The following TLN2 variants were observed in gnomAD, a reference collection of about 807,000 sequenced individuals.
TLN2 encodes talin 2, also known as talin-2.
TLN2 carries 118 observed loss-of-function variants against 294.7 expected under a neutral mutation model. The ratio of observed to expected loss-of-function variants is 0.40; its 90% confidence interval spans 0.34 to 0.47. The LOEUF is 0.47. TLN2 is among the 20% of genes least tolerant of loss of function. The pLI, the probability that TLN2 is intolerant of heterozygous loss-of-function variation, is 0.84. For synonymous variants in TLN2, 1,431 were observed against 1,304.5 expected (o/e 1.10, Z -2.09); for missense variants, 3,083 against 3,282.2 (o/e 0.94, Z 1.48).
chr15:62,764,881 T>A (rs976461005), intron 40 of TLN2, among the ~76,000 whole-genome samples: 1 of 151,442 alleles, frequency 6.6e-6, no homozygotes, highest in African/African-American at 2.4e-5. Context: ...GCAGGAGAAT[T>A]GCTTGAATGT....
chr15:62,726,738 T>C (rs574923894), intron 27 of TLN2, among the ~76,000 whole-genome samples: 2 of 152,188 alleles, frequency 1.3e-5, no homozygotes, highest in Non-Finnish European at 2.9e-5. Context: ...AAAGGCATAA[T>C]ACTAATAGCT....
rs747372003 is a variant in TLN2, at chr15:62,810,008, G to A, written c.6747G>A (p.Leu2249=). 6.8e-6 allele frequency: 11 copies of A among 1,613,928 alleles called. No homozygotes were observed. The highest frequency in any genetic ancestry group is 1.1e-5 in the South Asian group (1 of 91,052). Residue 2249 remains leucine, a synonymous_variant, in exon 52 of 59, where the codon TTG becomes TTA. Coordinates refer to ENST00000636159, the MANE Select transcript of TLN2 (RefSeq NM_015059.3). ...GGACGGAGTGCACCCTTGGCTACTT[G>A]GACCTCCTGGAGCACGTCTTGGTGG... is the stretch of plus-strand genomic sequence containing the variant. ...RFGTECTLGY[L]DLLEHVLVIL...
At chr15:62,666,124 G>C (rs2054607941) in intron 9 of TLN2, among the ~76,000 whole-genome samples, 1 of 152,180 alleles carries the variant, frequency 6.6e-6, no homozygotes, top group Non-Finnish European at 1.5e-5. Context: ...TTCCTGGGCA[G>C]TGGCGTGTCC....
Position 62,771,102 on chromosome 15 carries a change from T to C in TLN2, c.5335T>C (p.Tyr1779His). ...TLAESALQMLYAAKEGGGNPK... is the reference protein window; with the variant it reads ...TLAESALQMLHAAKEGGGNPK... Reference sequence around the variant, plus strand: ...CGCAGAGTCTGCCTTGCAGATGTTGTATGCAGCCAAAGAAGGTGGCGGAAA... The same window carrying C: ...CGCAGAGTCTGCCTTGCAGATGTTGCATGCAGCCAAAGAAGGTGGCGGAAA... Residue 1779 changes from tyrosine (Y) to histidine (H), a missense_variant, in exon 42 of 59, where the codon TAT (tyrosine) becomes CAT (histidine). Transcript: ENST00000636159. 1 of 1,612,348 alleles carries C rather than the reference T, an allele frequency of 6.2e-7. No homozygotes were observed. Among genetic ancestry groups the C allele is most frequent in the South Asian group, 1.1e-5 (1 of 90,830 alleles).
chr15:62,642,875 T>C (rs1024627298), intron 3 of TLN2, among the ~76,000 whole-genome samples: 2 of 152,120 alleles, frequency 1.3e-5, no homozygotes, highest in African/African-American at 4.8e-5. Context: ...CTAATTTTTA[T>C]ATTTTTAGTA....
intron 10 of TLN2, 91 bp downstream of exon 10, chr15:62,673,981 C>A: frequency 2.1e-6 from 2 of 947,618 alleles, no homozygotes; most frequent in Non-Finnish European, 3.3e-6. Flanking sequence ...TAGTTTTATA[C>A]CTCGTGCCTG....
intron 7 of TLN2, among the ~76,000 whole-genome samples, chr15:62,653,890 C>T (rs902188075): frequency 4.6e-5 from 7 of 152,000 alleles, no homozygotes; most frequent in African/African-American, 1.7e-4. Context: ...TAAGGTTGAA[C>T]AAGTTAATTA....
chr15:62,652,366 A>T (rs1363567895), intron 6 of TLN2, among the ~76,000 whole-genome samples: 2 of 152,192 alleles, frequency 1.3e-5, no homozygotes, highest in African/African-American at 2.4e-5. Flanking sequence ...CAAAACAAGA[A>T]GATTTTCAAA....
At chr15:62,737,711 C>T (rs1295016301) in intron 29 of TLN2, among the ~76,000 whole-genome samples, 1 of 152,244 alleles carries the variant, frequency 6.6e-6, no homozygotes, top group African/African-American at 2.4e-5. Context: ...GAGCACCCCA[C>T]TTGCCCTTGG....
At chr15:62,833,429 G>T in intron 54 of TLN2, 75 bp from the exon 55 acceptor site, 1 of 1,565,990 alleles carries the variant, frequency 6.4e-7, no homozygotes, top group East Asian at 2.3e-5. Context: ...CAGGTGACCC[G>T]GCAGTAAGTA....
At chr15:62,636,034 C>T (rs2050348108) in intron 3 of TLN2, among the ~76,000 whole-genome samples, 1 of 152,138 alleles carries the variant, frequency 6.6e-6, no homozygotes, top group African/African-American at 2.4e-5. Flanking sequence ...GTTGAGGATT[C>T]AGTGCCTTAA....
At chr15:62,563,380 G>A (rs771993155) in intron 1 of TLN2, among the ~76,000 whole-genome samples, 3 of 152,104 alleles carry the variant, frequency 2.0e-5, no homozygotes, top group Admixed American at 1.3e-4. Context: ...TTTGTTGGCC[G>A]TTTGTATACC....
At chr15:62,623,796 G>A (rs1443217849) in intron 3 of TLN2, among the ~76,000 whole-genome samples, 1 of 152,206 alleles carries the variant, frequency 6.6e-6, no homozygotes, top group Non-Finnish European at 1.5e-5. Context: ...ATTTGGAGAT[G>A]AGAATAAGTC....
At chr15:62,543,639 C>T (rs2041826173) in intron 1 of TLN2, among the ~76,000 whole-genome samples, 1 of 151,746 alleles carries the variant, frequency 6.6e-6, no homozygotes, top group African/African-American at 2.4e-5. Context: ...CCTGTAGTCC[C>T]AGCTACTGGG....
chr15:62,766,321 G>T lies in TLN2; in HGVS notation c.5095G>T (p.Ala1699Ser). The T allele has an allele frequency of 6.2e-7, 1 of 1,610,986 alleles. No homozygotes were observed. The highest frequency in any genetic ancestry group is 8.5e-7 in the Non-Finnish European group (1 of 1,177,472). Residue 1699 changes from alanine (A) to serine (S), a missense_variant and splice_region_variant, in exon 41 of 59, where the codon GCC becomes TCC. Coordinates refer to ENST00000636159, the MANE Select transcript of TLN2 (RefSeq NM_015059.3). Reference protein sequence around the residue: ...LATRDDISVEALQEQLTSVVQ... With the variant: ...LATRDDISVESLQEQLTSVVQ... ...AACTTGACACTTCTCTCCTTATCAG[G>T]CCCTGCAGGAGCAGCTGACTTCGGT... is the stretch of plus-strand genomic sequence containing the variant.
intron 1 of TLN2, among the ~76,000 whole-genome samples, chr15:62,418,947 T>G (rs939917970): frequency 2.0e-5 from 3 of 152,236 alleles, no homozygotes; most frequent in Admixed American, 1.3e-4. Context: ...ACTGGGGATA[T>G]GATGGCTTAG....
Position 62,697,374 on chromosome 15 carries a change from G to T in TLN2, c.1293-314G>T, listed in dbSNP as rs116431805. ...TCCTTCCCATTTGGCCTCCAAAAGG[G>T]CTGGGATTACAGGGGTGAGATACTG... On this transcript the variant is annotated intron_variant, in intron 14 of 58. Coordinates refer to ENST00000636159, the MANE Select transcript of TLN2 (RefSeq NM_015059.3). Among the ~76,000 whole-genome samples, 1,305 of 152,252 alleles carry T rather than the reference G, an allele frequency of 8.6e-3. 19 individuals are homozygous for T. The highest frequency in any genetic ancestry group is 0.03 in the African/African-American group (1,239 of 41,514).
intron 1 of TLN2, among the ~76,000 whole-genome samples, chr15:62,435,031 C>T (rs905135053): frequency 6.6e-6 from 1 of 152,166 alleles, no homozygotes; most frequent in Non-Finnish European, 1.5e-5. Flanking sequence ...TTTTCTGTTT[C>T]TGCCTTAGTT....
intron 28 of TLN2, among the ~76,000 whole-genome samples, chr15:62,733,234 G>T (rs778568252): frequency 6.6e-6 from 1 of 152,180 alleles, no homozygotes; most frequent in Non-Finnish European, 1.5e-5. Context: ...CACAGTTGCT[G>T]CCCAGAAAGT....
Sources: gnomAD v4.1 joint callset for allele counts (sites outside exome capture counted in the v4.1 genomes callset) on GRCh38, gnomAD v4.1.1 for gene constraint, MANE v1.5 for transcripts, NCBI Gene and HGNC (gene_info 2026-07-23, HGNC 2026-07-21) for gene names.